STXBP4: variants seen among roughly 807,000 people sequenced by gnomAD.
The protein encoded by STXBP4 is syntaxin-binding protein 4.
STXBP4 carries 55 observed loss-of-function variants against 76.1 expected under a neutral mutation model. That is an observed-to-expected ratio of 0.72 (90% CI 0.58 to 0.91). The LOEUF is 0.91. STXBP4 is among the 40% of genes least tolerant of loss of function. The pLI is 0.00. For synonymous variants in STXBP4, 201 were observed against 220.2 expected (o/e 0.91, Z 0.77); for missense variants, 618 against 636.9 (o/e 0.97, Z 0.32).
At chr17:55,007,459 C>T (rs747924227) in intron 7 of STXBP4, 47 bp from the exon 8 acceptor site, 12 of 1,376,948 alleles carry the variant, frequency 8.7e-6, no homozygotes, top group South Asian at 1.2e-5. Context: ...ATAAAAATTT[C>T]GATTCCAATT....
At chr17:55,076,661 T>C in intron 13 of STXBP4, among the ~76,000 whole-genome samples, 1 of 152,150 alleles carries the variant, frequency 6.6e-6, no homozygotes, top group East Asian at 1.9e-4. Flanking sequence ...TTGGGATTCA[T>C]TGAGCTTCCC....
At position 55,083,673 on chromosome 17, in the gene STXBP4, A is replaced by G. The variant is rs2079286978; in HGVS notation, c.1489+2490A>G. 2.0e-5 allele frequency among the ~76,000 whole-genome samples: 3 copies of G among 152,094 alleles called. No homozygotes were observed. The South Asian group carries it at 6.2e-4, about 32-fold the overall frequency. The stretch of plus-strand genomic sequence containing the variant: ...GACTCTACTGGGCTGGACATCTAAG[A>G]TGGGAGCTCATCTGTGGCTATCAAC... On this transcript the variant is annotated intron_variant, in intron 16 of 17. Coordinates refer to ENST00000376352, the MANE Select transcript of STXBP4 (RefSeq NM_178509.6).
chr17:54,972,350 G>A (rs1018229065), intron 1 of STXBP4, among the ~76,000 whole-genome samples: 1 of 152,150 alleles, frequency 6.6e-6, no homozygotes, highest in Non-Finnish European at 1.5e-5. Flanking sequence ...TGTGATGGAT[G>A]CCAAATGACA....
intron 12 of STXBP4, among the ~76,000 whole-genome samples, chr17:55,070,425 G>A (rs1023867724): frequency 3.1e-4 from 47 of 152,074 alleles, no homozygotes; most frequent in African/African-American, 1.1e-3. Flanking sequence ...GGTGTGGTAG[G>A]CTAGGTTAAT....
chr17:54,990,948 C>A lies in STXBP4; in HGVS notation c.171C>A (p.Asp57Glu). ...TTCAGGAAATTATTCCTGGAGGAGA[C>A]TGTTATAAGGTAAAAATATGTCCCA... ...VYIQEIIPGG[D>E]CYKDGRLKPG... Residue 57 changes from aspartate (D) to glutamate (E), a missense_variant, in exon 4 of 18, where the codon GAC becomes GAA. By Grantham distance (45) the Asp-to-Glu change is conservative (BLOSUM62 2). Transcript: ENST00000376352. The A allele has an allele frequency of 6.4e-7, 1 of 1,574,348 alleles. No individual in the cohort carries two copies. Among genetic ancestry groups the A allele is most frequent in the Non-Finnish European group, 8.6e-7 (1 of 1,165,524 alleles).
At chr17:55,065,505 T>C (rs2079040541) in intron 12 of STXBP4, among the ~76,000 whole-genome samples, 1 of 152,180 alleles carries the variant, frequency 6.6e-6, no homozygotes. Context: ...CGGAAGTTGC[T>C]TTTGAATTGT....
At chr17:55,050,730 C>T (rs1254339589) in intron 12 of STXBP4, among the ~76,000 whole-genome samples, 3 of 152,146 alleles carry the variant, frequency 2.0e-5, no homozygotes, top group Admixed American at 6.6e-5. Context: ...TGCAGGGACA[C>T]GATCTCAGCT....
At chr17:55,138,457 C>T (rs2080059833) in intron 16 of STXBP4, among the ~76,000 whole-genome samples, 1 of 152,048 alleles carries the variant, frequency 6.6e-6, no homozygotes, top group Non-Finnish European at 1.5e-5. Flanking sequence ...GTTTAAGACT[C>T]TTACTTTGGC....
At chr17:54,969,892 C>T (rs1027641913) in intron 1 of STXBP4, among the ~76,000 whole-genome samples, 4 of 151,996 alleles carry the variant, frequency 2.6e-5, no homozygotes, top group Non-Finnish European at 5.9e-5. Context: ...TAACAGTTAC[C>T]GAAATAAGGG....
chr17:55,140,982 C>A (rs2080088790), intron 16 of STXBP4, among the ~76,000 whole-genome samples: 1 of 152,156 alleles, frequency 6.6e-6, no homozygotes, highest in South Asian at 2.1e-4. Context: ...CTTGTCCATC[C>A]TTCTGCCTTC....
At chr17:55,108,883 C>A (rs2079672982) in intron 16 of STXBP4, among the ~76,000 whole-genome samples, 1 of 152,162 alleles carries the variant, frequency 6.6e-6, no homozygotes, top group African/African-American at 2.4e-5. Flanking sequence ...GTTGTGAATT[C>A]TTTATACATG....
At chr17:55,107,892 G>C (rs1026222506) in intron 16 of STXBP4, among the ~76,000 whole-genome samples, 1 of 152,232 alleles carries the variant, frequency 6.6e-6, no homozygotes, top group Non-Finnish European at 1.5e-5. Flanking sequence ...AGGAAGCACA[G>C]AGGTCAGGGA....
chr17:55,149,873 G>A (rs2080195051), intron 17 of STXBP4, among the ~76,000 whole-genome samples: 1 of 152,176 alleles, frequency 6.6e-6, no homozygotes. Flanking sequence ...GAATGGCAAA[G>A]CCCACTAAAA....
chr17:55,017,199 T>G (rs2078223201), intron 8 of STXBP4, among the ~76,000 whole-genome samples: 1 of 152,208 alleles, frequency 6.6e-6, no homozygotes, highest in Non-Finnish European at 1.5e-5. Context: ...TCTCTTCGAC[T>G]CTCTTTTTCT....
At chr17:55,181,603 G>C in the STXBP4 span, among the ~76,000 whole-genome samples, 112,712 of 152,086 alleles carry the variant, frequency 0.74, 42,509 homozygotes, top group Non-Finnish European at 0.82. Context: ...CTGAAATGGT[G>C]GACTAAGTAG....
intron 13 of STXBP4, among the ~76,000 whole-genome samples, chr17:55,074,071 C>T (rs1348753309): frequency 2.0e-5 from 3 of 152,106 alleles, no homozygotes; most frequent in African/African-American, 7.2e-5. Flanking sequence ...AATATTCATA[C>T]ATTTGTTCAC....
In STXBP4 at chr17:55,168,177, C is replaced by T. The variant is rs1164947620; in HGVS notation, c.*8266C>T. The T allele has an allele frequency of 6.6e-6, 1 of 151,840 alleles. No homozygotes were observed. Among genetic ancestry groups the T allele is most frequent in the East Asian group, 1.9e-4 (1 of 5,166 alleles). 9.4% of individuals were successfully genotyped at this position (151,840 alleles called of 1,614,324 possible). A position where few individuals can be genotyped will look rare whatever the true frequency, so the allele number is the denominator to read the frequency against. ...TTGAAGGAAATAGAATGCATACATA[C>T]ACACACATACACTTAGTATATGTGT... On this transcript the variant is annotated 3_prime_UTR_variant, in exon 18 of 18. Transcript: ENST00000376352.
At chr17:55,099,655 G>A (rs1353817531) in intron 16 of STXBP4, among the ~76,000 whole-genome samples, 1 of 152,168 alleles carries the variant, frequency 6.6e-6, no homozygotes, top group Non-Finnish European at 1.5e-5. Flanking sequence ...CTACTTGCAT[G>A]TACAAATAGA....
chr17:55,173,518 GGTTATA>G lies in STXBP4; in HGVS notation c.*13611_*13616del, dbSNP rs1156422842. The G allele has an allele frequency of 6.6e-6, 1 of 152,120 alleles. No homozygotes were observed. The highest frequency in any genetic ancestry group is 2.4e-5 in the African/African-American group (1 of 41,416). The allele number at this position is 152,120 out of a possible 1,614,324, so 9.4% of individuals were successfully genotyped here. On this transcript the variant is annotated 3_prime_UTR_variant, in exon 18 of 18. Transcript: ENST00000376352. Reference sequence around the variant, plus strand: ...TATCAGTAGTTTGTTTTTATTACTGGGTTATAGTTCATTGTATGGATATACCACAGT... The same window carrying G: ...TATCAGTAGTTTGTTTTTATTACTGGGTTCATTGTATGGATATACCACAGT...
Sources: allele counts gnomAD v4.1 joint callset (sites outside exome capture counted in the v4.1 genomes callset), GRCh38; gene constraint gnomAD v4.1.1; transcripts MANE v1.5; gene names NCBI Gene and HGNC (gene_info 2026-07-23, HGNC 2026-07-21).